The following DST variants were observed in gnomAD, a reference collection of about 807,000 sequenced individuals.
DST encodes the protein bullous pemphigoid antigen.
A neutral mutation model predicts 875.2 loss-of-function variants in DST; 253 were observed. The observed-to-expected ratio is 0.29, with a 90% confidence interval of 0.26 to 0.32. The LOEUF (loss-of-function observed/expected upper bound fraction) is 0.32. Ranked by LOEUF, DST falls within the 10% of genes least tolerant of loss-of-function variation. The pLI, the probability that DST is intolerant of heterozygous loss-of-function variation, is 1.00. For missense variants in DST, 8,287 were observed against 9,111.6 expected, an observed-to-expected ratio of 0.91 and a Z score of 3.68; for synonymous variants, 3,124 against 3,197.1, an observed-to-expected ratio of 0.98 and a Z score of 0.77.
intron 60 of DST, among the ~76,000 whole-genome samples, chr6:56,554,073 CTTTTTTTTTTT>C (rs555704557): frequency 0.034 from 2,746 of 80,694 alleles, 50 homozygotes; most frequent in Middle Eastern, 0.051. Flanking sequence ...GCGTCTATGA[CTTTTTTTTTTT>C]TTTTTTTTTT....
chr6:56,564,868 C>T (rs879001103), intron 55 of DST, among the ~76,000 whole-genome samples: 8 of 152,234 alleles, frequency 5.3e-5, no homozygotes, highest in African/African-American at 1.7e-4. Context: ...TGATGGATTA[C>T]GTTTATTGAT....
At chr6:56,763,464 G>T (rs1241416585) in intron 4 of DST, among the ~76,000 whole-genome samples, 2 of 152,082 alleles carry the variant, frequency 1.3e-5, no homozygotes, top group East Asian at 3.9e-4. Flanking sequence ...CTGAGGTCAG[G>T]AGTTCGAAAC....
intron 98 of DST, 68 bp from the exon 99 acceptor site, chr6:56,466,263 A>G (rs1462043550): frequency 9.0e-7 from 1 of 1,106,600 alleles, no homozygotes; most frequent in Non-Finnish European, 1.2e-6. Context: ...ATGATGTGCA[A>G]TTTGCAGTAG....
intron 2 of DST, among the ~76,000 whole-genome samples, chr6:56,907,536 T>A (rs1350978952): frequency 6.6e-6 from 1 of 152,200 alleles, no homozygotes; most frequent in Non-Finnish European, 1.5e-5. Context: ...GGCAAAAAGT[T>A]GCAATTAGAA....
chr6:56,690,574 C>A (rs1563698907), intron 9 of DST, among the ~76,000 whole-genome samples: 1 of 152,134 alleles, frequency 6.6e-6, no homozygotes, highest in Non-Finnish European at 1.5e-5. Flanking sequence ...CACTATTCTA[C>A]TTAGAAGTTA....
chr6:56,684,583 T>C (rs1199889149), intron 9 of DST, among the ~76,000 whole-genome samples: 1 of 152,214 alleles, frequency 6.6e-6, no homozygotes, highest in Non-Finnish European at 1.5e-5. Context: ...GCAGGAGACC[T>C]AGGGTATGGG....
At chr6:56,932,337 AT>A (rs1178035622) in intron 2 of DST, among the ~76,000 whole-genome samples, 1 of 152,130 alleles carries the variant, frequency 6.6e-6, no homozygotes, top group Non-Finnish European at 1.5e-5. Flanking sequence ...TTTAAATCCA[AT>A]TAAACCTCTT....
In DST at chr6:56,546,484, AAAAC is replaced by A. The variant is rs201246917; in HGVS notation, c.16608+5696_16608+5699del. On this transcript the variant is annotated intron_variant, in intron 61 of 103. Transcript: ENST00000680361. ...ATTCAATTTTCTTCAGAGAAAAAAA[AAAAC>A]AAACAAAATCTGGAAATACTTTTCA... 8.8e-3 allele frequency among the ~76,000 whole-genome samples: 1,310 copies of A among 148,432 alleles called. 9 individuals carry two copies. Among genetic ancestry groups the A allele is most frequent in the Non-Finnish European group, 0.014 (925 of 67,112 alleles).
intron 69 of DST, among the ~76,000 whole-genome samples, chr6:56,521,474 C>T (rs1454093935): frequency 1.2e-5 from 1 of 84,280 alleles, no homozygotes; most frequent in African/African-American, 4.2e-5. Flanking sequence ...TATGTCTTCC[C>T]TATTTAAAAA....
chr6:56,834,919 A>G lies in DST; in HGVS notation c.625+16478T>C, dbSNP rs571452601. Reference sequence around the variant, plus strand: ...TCAACTGTTTAGAGCAGTTGTATTCATAACTGTCAACCCTTAGGAGCAACC... The same window carrying G: ...TCAACTGTTTAGAGCAGTTGTATTCGTAACTGTCAACCCTTAGGAGCAACC... On this transcript the variant is annotated intron_variant, in intron 4 of 103. Coordinates refer to ENST00000680361, the MANE Select transcript of DST (RefSeq NM_001374736.1). 2.6e-5 allele frequency among the ~76,000 whole-genome samples: 4 copies of G among 152,218 alleles called. No individual in the cohort carries two copies. In the South Asian group the frequency reaches 6.2e-4, roughly 24 times the overall value.
In DST at chr6:56,609,338, T is replaced by C. The variant is rs1161081456; in HGVS notation, c.5290A>G (p.Lys1764Glu). The C allele has an allele frequency of 6.3e-7, 1 of 1,592,694 alleles. No homozygotes were observed. The highest frequency in any genetic ancestry group is 8.6e-7 in the Non-Finnish European group (1 of 1,169,486). ...TGATCAATGGTGCCTGCAATCACTT[T>C]ATCCAGCTGAAAGGAAAATGCAAAA... ...GDVKVEEKLD[K>E]VIAGTIDQTT... The change falls in exon 40 of 104, where the codon AAA (lysine) becomes GAA (glutamate). Residue 1764 changes from lysine to glutamate, a missense_variant. By Grantham distance (56) the Lys-to-Glu change is moderately conservative. Coordinates refer to ENST00000680361, the MANE Select transcript of DST (RefSeq NM_001374736.1).
chr6:56,931,218 G>A (rs1349754381), intron 2 of DST, among the ~76,000 whole-genome samples: 2 of 152,150 alleles, frequency 1.3e-5, no homozygotes, highest in Admixed American at 6.5e-5. Context: ...TCCCCAAAGA[G>A]TGCTGTGGCT....
chr6:56,943,731 C>A (rs952969509), intron 2 of DST, among the ~76,000 whole-genome samples: 5 of 151,912 alleles, frequency 3.3e-5, no homozygotes, highest in African/African-American at 1.2e-4. Flanking sequence ...CCGCGCCCAG[C>A]CAATTTCAAC....
intron 3 of DST, among the ~76,000 whole-genome samples, chr6:56,855,180 A>T (rs970115006): frequency 6.6e-6 from 1 of 152,254 alleles, no homozygotes; most frequent in Non-Finnish European, 1.5e-5. Flanking sequence ...GTAAATCCTC[A>T]CTTAAAATCA....
At chr6:56,579,370 C>G (rs2024751) in intron 49 of DST, among the ~76,000 whole-genome samples, 3 of 152,006 alleles carry the variant, frequency 2.0e-5, no homozygotes, top group Non-Finnish European at 4.4e-5. Context: ...TGACTCAATA[C>G]TGAGTCATGT....
intron 2 of DST, among the ~76,000 whole-genome samples, chr6:56,920,895 ATTTTTTTT>A (rs35394550): frequency 1.0e-4 from 6 of 59,690 alleles, no homozygotes; most frequent in African/African-American, 3.3e-4. Context: ...CGCCCAGCTA[ATTTTTTTT>A]TTTTTTTTTT....
At chr6:56,759,537 T>C (rs1297578913) in intron 4 of DST, among the ~76,000 whole-genome samples, 1 of 152,228 alleles carries the variant, frequency 6.6e-6, no homozygotes, top group Non-Finnish European at 1.5e-5. Context: ...GGAATGACTT[T>C]GTAGTTTTAA....
At chr6:56,549,062 T>C (rs1472497784) in intron 61 of DST, among the ~76,000 whole-genome samples, 1 of 152,210 alleles carries the variant, frequency 6.6e-6, no homozygotes, top group African/African-American at 2.4e-5. Flanking sequence ...TTAACAGCTA[T>C]TTCTTGAACT....
chr6:56,944,755 T>C (rs1252053845), intron 2 of DST, among the ~76,000 whole-genome samples: 1 of 152,202 alleles, frequency 6.6e-6, no homozygotes, highest in Non-Finnish European at 1.5e-5. Flanking sequence ...TCCCCAACTC[T>C]TTCTCCCTTG....
Sources: gnomAD v4.1 joint callset for allele counts (sites outside exome capture counted in the v4.1 genomes callset) on GRCh38, gnomAD v4.1.1 for gene constraint, MANE v1.5 for transcripts, NCBI Gene and HGNC (gene_info 2026-07-23, HGNC 2026-07-21) for gene names.